Variants in STXBP6 observed in about 807,000 individuals in gnomAD.
STXBP6 encodes the protein syntaxin binding protein 6, also known as syntaxin-binding protein 6.
STXBP6 carries 21 observed loss-of-function variants against 26.9 expected under a neutral mutation model. That is an observed-to-expected ratio of 0.78 (90% CI 0.55 to 1.12). The LOEUF (loss-of-function observed/expected upper bound fraction) is 1.12. Ranked by LOEUF, STXBP6 falls within the 50% of genes most tolerant of loss-of-function variation. The pLI, the probability that STXBP6 is intolerant of heterozygous loss-of-function variation, is 0.00. For synonymous variants in STXBP6, 97 were observed against 92.6 expected, an observed-to-expected ratio of 1.05 and a Z score of -0.27; for missense variants, 232 against 257.9, an observed-to-expected ratio of 0.90 and a Z score of 0.69.
intron 2 of STXBP6, among the ~76,000 whole-genome samples, chr14:24,966,693 T>A (rs1050140016): frequency 2.0e-5 from 3 of 152,214 alleles, no homozygotes; most frequent in Admixed American, 2.0e-4. Context: ...AAGGAAACTC[T>A]AAAAAAATTT....
intron 2 of STXBP6, among the ~76,000 whole-genome samples, chr14:24,872,983 A>G (rs1175649004): frequency 3.3e-5 from 5 of 152,212 alleles, no homozygotes; most frequent in African/African-American, 1.2e-4. Context: ...TTGCAAGCAA[A>G]TGGTTCGTCC....
intron 2 of STXBP6, among the ~76,000 whole-genome samples, chr14:24,952,853 A>C (rs1055958653): frequency 1.3e-5 from 2 of 152,210 alleles, no homozygotes; most frequent in African/African-American, 4.8e-5. Context: ...AACTCAGAGG[A>C]GGAAACCATA....
intron 2 of STXBP6, among the ~76,000 whole-genome samples, chr14:24,970,432 A>T (rs914243716): frequency 6.6e-6 from 1 of 152,122 alleles, no homozygotes; most frequent in Non-Finnish European, 1.5e-5. Flanking sequence ...CTGCCACTAC[A>T]TCTTACTTTT....
At chr14:24,972,828 A>T (rs2073939254) in intron 2 of STXBP6, among the ~76,000 whole-genome samples, 1 of 152,230 alleles carries the variant, frequency 6.6e-6, no homozygotes, top group Non-Finnish European at 1.5e-5. Flanking sequence ...CCCCATTGCT[A>T]CAAAAACTAC....
At chr14:24,956,765 G>A (rs774569967) in intron 2 of STXBP6, among the ~76,000 whole-genome samples, 4 of 152,046 alleles carry the variant, frequency 2.6e-5, no homozygotes, top group African/African-American at 9.7e-5. Context: ...CACCGACCAC[G>A]CCTTCAACAC....
intron 2 of STXBP6, among the ~76,000 whole-genome samples, chr14:24,951,211 T>A (rs1252882524): frequency 6.6e-6 from 1 of 152,202 alleles, no homozygotes; most frequent in Non-Finnish European, 1.5e-5. Flanking sequence ...CGTGTGCATG[T>A]GTCTTTATAG....
intron 1 of STXBP6, among the ~76,000 whole-genome samples, chr14:25,035,769 T>A (rs572520655): frequency 6.6e-6 from 1 of 152,264 alleles, no homozygotes; most frequent in Non-Finnish European, 1.5e-5. Context: ...AATTTAGCAA[T>A]CTGGTTACCC....
chr14:25,000,449 A>G (rs1363279339), intron 1 of STXBP6, among the ~76,000 whole-genome samples: 3 of 151,058 alleles, frequency 2.0e-5, no homozygotes, highest in Admixed American at 2.0e-4. Flanking sequence ...TTGGAAAACA[A>G]TACCCCAAAA....
intron 2 of STXBP6, among the ~76,000 whole-genome samples, chr14:24,927,527 G>C (rs985392998): frequency 6.6e-6 from 1 of 152,218 alleles, no homozygotes. Flanking sequence ...ATCTAGATTT[G>C]CTGAGAAAGT....
chr14:24,946,504 T>C (rs755112957), intron 2 of STXBP6, among the ~76,000 whole-genome samples: 6 of 152,172 alleles, frequency 3.9e-5, no homozygotes, highest in Non-Finnish European at 8.8e-5. Flanking sequence ...CAGAGAAGGA[T>C]TGACTATGAT....
At chr14:25,004,736 G>C (rs1212035603) in intron 1 of STXBP6, among the ~76,000 whole-genome samples, 3 of 152,238 alleles carry the variant, frequency 2.0e-5, no homozygotes, top group African/African-American at 7.2e-5. Flanking sequence ...AATAATTGAG[G>C]AAAAGAGGGA....
At chr14:25,032,176 G>A (rs1012672161) in intron 1 of STXBP6, among the ~76,000 whole-genome samples, 7 of 152,124 alleles carry the variant, frequency 4.6e-5, no homozygotes, top group South Asian at 4.1e-4. Context: ...CTCCAACACC[G>A]CGAAGGCATT....
intron 2 of STXBP6, among the ~76,000 whole-genome samples, chr14:24,952,523 A>T (rs1033321735): frequency 1.3e-5 from 2 of 152,206 alleles, no homozygotes; most frequent in South Asian, 4.1e-4. Context: ...AGATAAAACT[A>T]AATTTTTGAA....
intron 4 of STXBP6, among the ~76,000 whole-genome samples, chr14:24,848,415 C>T (rs936695481): frequency 1.3e-5 from 2 of 152,074 alleles, no homozygotes; most frequent in Non-Finnish European, 2.9e-5. Context: ...TTTATGTCTT[C>T]TGGTTGATTC....
intron 1 of STXBP6, among the ~76,000 whole-genome samples, chr14:24,988,711 G>A (rs551813281): frequency 2.2e-4 from 34 of 152,256 alleles, no homozygotes; most frequent in African/African-American, 5.1e-4. Context: ...TTCAGCCGAC[G>A]GAGACAGACA....
At chr14:24,817,005 C>A (rs1245598473) in intron 5 of STXBP6, 1 of 152,150 alleles carries the variant, frequency 6.6e-6, no homozygotes, top group African/African-American at 2.4e-5. Flanking sequence ...TGAACTCATT[C>A]AATTCTCTGA....
intron 2 of STXBP6, among the ~76,000 whole-genome samples, chr14:24,888,716 C>T (rs1270495530): frequency 6.2e-5 from 9 of 144,966 alleles, no homozygotes; most frequent in Non-Finnish European, 1.0e-4. Flanking sequence ...AGCTAGACTC[C>T]GTCTCAAAAA....
At chr14:25,047,498 T>C (rs990328777) in intron 1 of STXBP6, among the ~76,000 whole-genome samples, 2 of 152,212 alleles carry the variant, frequency 1.3e-5, no homozygotes, top group Non-Finnish European at 2.9e-5. Context: ...TCCCACTCCA[T>C]AAGTTAGTGA....
chr14:24,983,447 C>A (rs893043251), intron 1 of STXBP6, among the ~76,000 whole-genome samples: 4 of 152,178 alleles, frequency 2.6e-5, no homozygotes, highest in Non-Finnish European at 5.9e-5. Flanking sequence ...TGAAAATAAA[C>A]ATTTTAATTA....
Sources: allele counts gnomAD v4.1 joint callset (sites outside exome capture counted in the v4.1 genomes callset), GRCh38; gene constraint gnomAD v4.1.1; transcripts MANE v1.5; gene names NCBI Gene and HGNC (gene_info 2026-07-23, HGNC 2026-07-21).